The following TLN2 variants were observed in gnomAD, a reference collection of about 807,000 sequenced individuals.
TLN2 encodes the protein talin 2, also known as talin-2.
Under a neutral mutation model 294.7 loss-of-function variants are expected in TLN2, and 118 were observed. That is an observed-to-expected ratio of 0.40 (90% CI 0.34 to 0.47). TLN2 has a LOEUF of 0.47. Ranked by LOEUF, TLN2 falls within the 20% of genes least tolerant of loss-of-function variation. The probability of loss-of-function intolerance (pLI) is 0.84; values close to 1 mark genes in which losing one functional copy is unlikely to be tolerated. For missense variants in TLN2, 3,083 were observed against 3,282.2 expected (o/e 0.94, Z 1.48); for synonymous variants, 1,431 against 1,304.5 (o/e 1.10, Z -2.09).
chr15:62,516,062 C>G (rs933719568), intron 1 of TLN2, among the ~76,000 whole-genome samples: 5 of 152,194 alleles, frequency 3.3e-5, no homozygotes, highest in Non-Finnish European at 7.3e-5. Context: ...TAGTGTGACT[C>G]TACTTTGTGG....
At chr15:62,782,610 C>T (rs868225964) in intron 44 of TLN2, among the ~76,000 whole-genome samples, 4 of 152,180 alleles carry the variant, frequency 2.6e-5, no homozygotes, top group South Asian at 2.1e-4. Context: ...CTTCTCACCC[C>T]GTCAGGATGC....
intron 18 of TLN2, 62 bp downstream of exon 18, chr15:62,702,262 C>A: frequency 6.7e-7 from 1 of 1,496,840 alleles, no homozygotes; most frequent in South Asian, 1.3e-5. Flanking sequence ...CACTGGGGGA[C>A]CATGGGGCTC....
At chr15:62,627,690 T>C (rs1331237592) in intron 3 of TLN2, among the ~76,000 whole-genome samples, 1 of 152,204 alleles carries the variant, frequency 6.6e-6, no homozygotes, top group African/African-American at 2.4e-5. Context: ...TTTATTTGAG[T>C]TTTAAAAATT....
chr15:62,702,973 A>G (rs1238897734), intron 19 of TLN2, 109 bp downstream of exon 19: 1 of 1,002,406 alleles, frequency 1.0e-6, no homozygotes, highest in Non-Finnish European at 1.5e-6. Flanking sequence ...GAGATAGTCA[A>G]GAATGCGATT....
At chr15:62,611,112 A>G (rs2047878419) in intron 2 of TLN2, among the ~76,000 whole-genome samples, 1 of 152,186 alleles carries the variant, frequency 6.6e-6, no homozygotes. Context: ...ATGTCTTATG[A>G]TGACATTTAT....
At chr15:62,562,859 T>C (rs554606563) in intron 1 of TLN2, among the ~76,000 whole-genome samples, 1 of 151,234 alleles carries the variant, frequency 6.6e-6, no homozygotes, top group South Asian at 2.1e-4. Flanking sequence ...TCTAGGTTGC[T>C]GCAAATGCCA....
At chr15:62,476,660 C>T (rs1422970435) in intron 1 of TLN2, among the ~76,000 whole-genome samples, 2 of 152,198 alleles carry the variant, frequency 1.3e-5, no homozygotes, top group African/African-American at 2.4e-5. Context: ...GCCAAACCTA[C>T]GAGTCCTGAT....
intron 1 of TLN2, among the ~76,000 whole-genome samples, chr15:62,440,636 C>T (rs547066686): frequency 6.6e-6 from 1 of 152,148 alleles, no homozygotes; most frequent in Non-Finnish European, 1.5e-5. Context: ...CTCTTATACC[C>T]CTATCCCTGT....
At chr15:62,391,261 ACT>A (rs1299138452) in intron 1 of TLN2, among the ~76,000 whole-genome samples, 6 of 152,186 alleles carry the variant, frequency 3.9e-5, no homozygotes, top group African/African-American at 1.2e-4. Flanking sequence ...GGTGCCGGAC[ACT>A]CAGACCTGCC....
rs1335077707 is a variant in TLN2 at position 62,660,830 on chromosome 15, A to G, written c.788+2932A>G. Among the ~76,000 whole-genome samples, 5 of 152,206 alleles carry G rather than the reference A, an allele frequency of 3.3e-5. No individual in the cohort carries two copies. The East Asian group carries it at 5.8e-4, about 18-fold the overall frequency. Reference sequence around the variant, plus strand: ...CTAATTCCTTGCTGTTTTTGAATCTACAGTCTATGTGGCAGATAAGTATAT... The same window carrying G: ...CTAATTCCTTGCTGTTTTTGAATCTGCAGTCTATGTGGCAGATAAGTATAT... On this transcript the variant is annotated intron_variant, in intron 9 of 58. Transcript: ENST00000636159.
At chr15:62,764,462 A>G (rs1240387700) in intron 40 of TLN2, among the ~76,000 whole-genome samples, 2 of 152,194 alleles carry the variant, frequency 1.3e-5, no homozygotes, top group African/African-American at 4.8e-5. Flanking sequence ...TTTTATTAAT[A>G]GAGCTGTCTA....
intron 1 of TLN2, among the ~76,000 whole-genome samples, chr15:62,445,918 T>C (rs1451434227): frequency 6.6e-6 from 1 of 152,192 alleles, no homozygotes; most frequent in Non-Finnish European, 1.5e-5. Context: ...CCCAAAGTGC[T>C]GGGATTACAG....
intron 54 of TLN2, chr15:62,831,097 G>T (rs914278815): frequency 6.7e-6 from 1 of 149,772 alleles, no homozygotes; most frequent in African/African-American, 2.5e-5. Flanking sequence ...CGTAAAATCA[G>T]TTGTGATGAG....
intron 1 of TLN2, among the ~76,000 whole-genome samples, chr15:62,570,903 C>CTGTGTG (rs58523803): frequency 0.035 from 5,039 of 143,854 alleles, 111 homozygotes; most frequent in Non-Finnish European, 0.047. Flanking sequence ...GCACAGGCAT[C>CTGTGTG]TGTGTGTGTG....
chr15:62,772,072 C>T (rs2063380810), intron 42 of TLN2, among the ~76,000 whole-genome samples: 3 of 151,892 alleles, frequency 2.0e-5, no homozygotes, highest in Admixed American at 2.0e-4. Flanking sequence ...GGGCCACAAG[C>T]ACATGCCACC....
chr15:62,750,426 C>T lies in TLN2; in HGVS notation c.4144C>T (p.Pro1382Ser). ...GACTGTGAAGGGGATGTTGGACAAT[C>T]CTAATGAACCTGTTAGTGACCTCTC... ...LETVKGMLDN[P>S]NEPVSDLSYF... The change falls in exon 34 of 59, where the codon CCT (proline) becomes TCT (serine). Residue 1382 changes from proline to serine, a missense_variant. Transcript: ENST00000636159. 6.2e-7 allele frequency: 1 copy of T among 1,614,140 alleles called. No individual in the cohort carries two copies. The highest frequency in any genetic ancestry group is 2.2e-5 in the East Asian group (1 of 44,880).
At chr15:62,710,989 G>T (rs968664998) in intron 21 of TLN2, among the ~76,000 whole-genome samples, 1 of 151,976 alleles carries the variant, frequency 6.6e-6, no homozygotes, top group Admixed American at 6.6e-5. Flanking sequence ...GCCTCCCAAA[G>T]TGCTGGGATT....
intron 51 of TLN2, among the ~76,000 whole-genome samples, chr15:62,807,257 T>C (rs1389347776): frequency 6.6e-6 from 1 of 152,178 alleles, no homozygotes; most frequent in Non-Finnish European, 1.5e-5. Context: ...GCATGCATTG[T>C]GGTGTACACA....
intron 24 of TLN2, 127 bp from the exon 25 acceptor site, chr15:62,719,640 A>G (rs968506071): frequency 3.1e-6 from 2 of 648,450 alleles, no homozygotes; most frequent in African/African-American, 1.9e-5. Flanking sequence ...TGTCTATCCA[A>G]GGTCTGGGGC....
Sources: gnomAD v4.1 joint callset for allele counts (sites outside exome capture counted in the v4.1 genomes callset) on GRCh38, gnomAD v4.1.1 for gene constraint, MANE v1.5 for transcripts, NCBI Gene and HGNC (gene_info 2026-07-23, HGNC 2026-07-21) for gene names.